The following WDFY3 variants were observed in gnomAD, a reference collection of about 807,000 sequenced individuals.
The protein encoded by WDFY3 is WD repeat and FYVE domain-containing protein 3.
WDFY3 carries 66 observed loss-of-function variants against 409.6 expected under a neutral mutation model. The observed-to-expected ratio is 0.16, with a 90% CI of 0.13 to 0.20. The LOEUF (loss-of-function observed/expected upper bound fraction) is 0.20, where lower values mean the gene tolerates loss of function less well. Ranked by LOEUF, WDFY3 falls within the 10% of genes least tolerant of loss-of-function variation. The pLI, the probability that WDFY3 is intolerant of heterozygous loss-of-function variation, is 1.00. For synonymous variants in WDFY3, 1,521 were observed against 1,537.1 expected (o/e 0.99, Z 0.25); for missense variants, 3,031 against 4,298.1 (o/e 0.71, Z 8.24).
At chr4:84,818,894 T>A (rs1326818268) in intron 12 of WDFY3, among the ~76,000 whole-genome samples, 1 of 152,128 alleles carries the variant, frequency 6.6e-6, no homozygotes, top group East Asian at 1.9e-4. Flanking sequence ...AATTGTCCAA[T>A]CTCTTCCTGT....
At chr4:84,912,600 T>C (rs1384900718) in intron 2 of WDFY3, among the ~76,000 whole-genome samples, 1 of 151,948 alleles carries the variant, frequency 6.6e-6, no homozygotes, top group Non-Finnish European at 1.5e-5. Flanking sequence ...TAGAAAGAGG[T>C]ATGGCATAAA....
chr4:84,827,063 T>C (rs1754970747), intron 9 of WDFY3, 82 bp from the exon 10 acceptor site: 8 of 1,443,018 alleles, frequency 5.5e-6, no homozygotes, highest in Non-Finnish European at 7.5e-6. Flanking sequence ...TTCAATTTTA[T>C]ATGCAGTAAA....
At chr4:84,875,044 C>A (rs1762584664) in intron 3 of WDFY3, among the ~76,000 whole-genome samples, 2 of 151,854 alleles carry the variant, frequency 1.3e-5, no homozygotes, top group African/African-American at 4.8e-5. Flanking sequence ...CCGAGGCGGG[C>A]AGATCATGAG....
intron 3 of WDFY3, among the ~76,000 whole-genome samples, chr4:84,893,321 T>A (rs1222176243): frequency 1.3e-5 from 2 of 152,248 alleles, no homozygotes; most frequent in Non-Finnish European, 2.9e-5. Flanking sequence ...GTGCTGTGTT[T>A]AAAATCTATA....
chr4:84,723,442 A>G (rs1735155570), intron 46 of WDFY3, among the ~76,000 whole-genome samples: 1 of 152,212 alleles, frequency 6.6e-6, no homozygotes. Context: ...TTTTAATTTT[A>G]AAACTAACTT....
In WDFY3 at chr4:84,884,093, G is replaced by A. The variant is rs2150427050; in HGVS notation, c.-32+12818C>T. Among the ~76,000 whole-genome samples the A allele has an allele frequency of 1.3e-5, 2 of 152,144 alleles. 1 individual carries two copies. The highest frequency in any genetic ancestry group is 2.9e-5 in the Non-Finnish European group (2 of 67,954). On this transcript the variant is annotated intron_variant, in intron 3 of 67. Coordinates refer to ENST00000295888, the MANE Select transcript of WDFY3 (RefSeq NM_014991.6). ...ATTACTTTTTAGTTTTTCTTTCTTT[G>A]TGAAATTACACAAAACAAAGTCATT...
chr4:84,838,818 C>G (rs890058081), intron 6 of WDFY3, among the ~76,000 whole-genome samples: 1 of 152,174 alleles, frequency 6.6e-6, no homozygotes, highest in Admixed American at 6.5e-5. Context: ...TCTACCCTCA[C>G]TTTCAAAATG....
At chr4:84,718,039 C>CA (rs1341791129) in intron 48 of WDFY3, among the ~76,000 whole-genome samples, 1 of 103,162 alleles carries the variant, frequency 9.7e-6, no homozygotes, top group Non-Finnish European at 1.7e-5. Flanking sequence ...GCCGGGGTGA[C>CA]AGAGTGAGAC....
At position 84,688,907 on chromosome 4, in the gene WDFY3, A is replaced by G. The variant is rs190046737; in HGVS notation, c.9364-642T>C. Among the ~76,000 whole-genome samples, 161 of 152,320 alleles carry G rather than the reference A, an allele frequency of 1.1e-3. 2 individuals are homozygous for G. Among genetic ancestry groups the G allele is most frequent in the African/African-American group, 3.6e-3 (150 of 41,574 alleles). ...AAGAACTTCCCTCTTTTGCTGGAAT[A>G]TGAAGAGAAAAAGGACCCAAGGAAA... On this transcript the variant is annotated intron_variant, in intron 61 of 67. Coordinates refer to ENST00000295888, the MANE Select transcript of WDFY3 (RefSeq NM_014991.6).
At chr4:84,703,214 G>T (rs938090928) in intron 55 of WDFY3, among the ~76,000 whole-genome samples, 1 of 152,074 alleles carries the variant, frequency 6.6e-6, no homozygotes, top group African/African-American at 2.4e-5. Context: ...ATTATGTTTG[G>T]CTAATTTTAT....
At chr4:84,714,468 CTTAGA>C (rs1733499866) in intron 50 of WDFY3, among the ~76,000 whole-genome samples, 1 of 152,016 alleles carries the variant, frequency 6.6e-6, no homozygotes, top group South Asian at 2.1e-4. Flanking sequence ...TAAAAATATG[CTTAGA>C]TTAGATTAAC....
intron 1 of WDFY3, among the ~76,000 whole-genome samples, chr4:84,964,688 A>G (rs988897541): frequency 1.4e-5 from 2 of 147,644 alleles, no homozygotes; most frequent in East Asian, 3.9e-4. Context: ...TTTTTGAAAC[A>G]TTTTTTTTTT....
intron 34 of WDFY3, 134 bp downstream of exon 34, chr4:84,755,132 A>G (rs569826004): frequency 7.6e-7 from 1 of 1,308,376 alleles, no homozygotes; most frequent in African/African-American, 1.5e-5. Flanking sequence ...AATTTTGTCT[A>G]ACATAAGAGT....
chr4:84,807,285 A>G (rs1185948928), intron 15 of WDFY3, among the ~76,000 whole-genome samples: 1 of 152,208 alleles, frequency 6.6e-6, no homozygotes, highest in Non-Finnish European at 1.5e-5. Context: ...AATATACTGA[A>G]CAATCCTATA....
chr4:84,756,788 A>G, intron 33 of WDFY3, 138 bp downstream of exon 33: 2 of 1,075,822 alleles, frequency 1.9e-6, no homozygotes, highest in Non-Finnish European at 2.7e-6. Context: ...GTATTTTCAG[A>G]TTTTTCTGTC....
Position 84,810,291 on chromosome 4 carries a change from T to C in WDFY3, c.1941A>G (p.Lys647=). 6.2e-7 allele frequency: 1 copy of C among 1,613,628 alleles called. No individual in the cohort carries two copies. The highest frequency in any genetic ancestry group is 8.5e-7 in the Non-Finnish European group (1 of 1,179,916). Residue 647 remains lysine (K), a synonymous_variant, in exon 14 of 68, where the codon AAA becomes AAG. Coordinates refer to ENST00000295888, the MANE Select transcript of WDFY3 (RefSeq NM_014991.6). ...ATGTAATGTACACAAATCCTCCAAC[T>C]TTCCTAAAAACTGTTCTTGAACGAT... is the stretch of plus-strand genomic sequence containing the variant. ...ESHRSRTVFR[K]VGGFVYITSL...
chr4:84,710,051 T>G (rs1037218834), intron 51 of WDFY3, among the ~76,000 whole-genome samples: 2 of 152,142 alleles, frequency 1.3e-5, no homozygotes, highest in African/African-American at 4.8e-5. Flanking sequence ...CATTTTATAA[T>G]TTATTTTTTG....
rs754582345 is a variant in WDFY3 at position 84,709,377 on chromosome 4, C to T, written c.8043-30G>A. 3 of 1,562,480 alleles carry T rather than the reference C, an allele frequency of 1.9e-6. No homozygotes were observed. In the Admixed American group the frequency reaches 6.3e-5, roughly 33 times the overall value. On this transcript the variant is annotated intron_variant, in intron 51 of 67. Coordinates refer to ENST00000295888, the MANE Select transcript of WDFY3 (RefSeq NM_014991.6). ...AAGCAATACATAATACAATAAATTA[C>T]AAGCAATAAAATTTTAAATCTGAAA... is the stretch of plus-strand genomic sequence containing the variant.
chr4:84,692,950 G>C lies in WDFY3; in HGVS notation c.8984C>G (p.Ser2995Cys), dbSNP rs1729501441. Reference sequence around the variant, plus strand: ...ATGAAAAAAGATCTTGTCACTTGTAGATCCTGGTAGGACAGAGATTCCTGC... The same window carrying C: ...ATGAAAAAAGATCTTGTCACTTGTACATCCTGGTAGGACAGAGATTCCTGC... The part of the protein sequence containing the change: ...DNAGISVLPG[S>C]TSDKIFFHHL... Residue 2995 changes from serine (S) to cysteine (C), a missense_variant, in exon 59 of 68, where the codon TCT becomes TGT. By Grantham distance (112) the Ser-to-Cys change is moderately radical. This residue lies in a region of WDFY3 where 152 missense variants were observed against 193.5 expected (regional missense o/e 0.79). Coordinates refer to ENST00000295888, the MANE Select transcript of WDFY3 (RefSeq NM_014991.6). 3.1e-6 allele frequency: 5 copies of C among 1,613,576 alleles called. No individual in the cohort carries two copies. In the African/African-American group the frequency reaches 6.7e-5, roughly 22 times the overall value.
Sources: allele counts gnomAD v4.1 joint callset (sites outside exome capture counted in the v4.1 genomes callset), GRCh38; gene constraint gnomAD v4.1.1; regional missense constraint gnomAD v4.1.1; transcripts MANE v1.5; gene names NCBI Gene and HGNC (gene_info 2026-07-23, HGNC 2026-07-21).